The following DTL variants were observed in gnomAD, a reference collection of about 807,000 sequenced individuals.
DTL encodes the protein denticleless E3 ubiquitin protein ligase adapter, also known as denticleless protein homolog.
In DTL, 46 loss-of-function variants were observed where a neutral mutation model predicts 87.0. The ratio of observed to expected loss-of-function variants is 0.53; its 90% CI spans 0.42 to 0.68. The LOEUF (loss-of-function observed/expected upper bound fraction) is 0.68, where lower values mean the gene tolerates loss of function less well. DTL is among the 30% of genes least tolerant of loss of function. DTL has a pLI of 0.00. For missense variants in DTL, 737 were observed against 869.4 expected (o/e 0.85, Z 1.91); for synonymous variants, 308 against 311.2 (o/e 0.99, Z 0.11).
At chr1:212,080,944 G>T (rs1009295127) in intron 13 of DTL, among the ~76,000 whole-genome samples, 194 bp downstream of exon 13, 6 of 152,114 alleles carry the variant, frequency 3.9e-5, no homozygotes, top group African/African-American at 1.4e-4. Flanking sequence ...TACTACAGTG[G>T]TGGATTTATT....
intron 10 of DTL, among the ~76,000 whole-genome samples, chr1:212,070,113 T>C (rs977095904): frequency 7.2e-5 from 11 of 152,210 alleles, no homozygotes; most frequent in Non-Finnish European, 1.5e-4. Context: ...CCTTGAAAGA[T>C]AAAGCGTGAT....
intron 5 of DTL, among the ~76,000 whole-genome samples, chr1:212,054,181 G>A (rs1396556283): frequency 5.3e-5 from 8 of 152,056 alleles, no homozygotes; most frequent in Non-Finnish European, 8.8e-5. Flanking sequence ...ATGGTACAGG[G>A]GTCAGCCAGA....
chr1:212,044,043 C>G (rs1005760585), intron 2 of DTL, among the ~76,000 whole-genome samples: 1 of 151,956 alleles, frequency 6.6e-6, no homozygotes, highest in Admixed American at 6.6e-5. Context: ...GAGCTGAGAT[C>G]ACGCCACTGC....
Position 212,066,949 on chromosome 1 carries a change from A to G in DTL, c.713+64A>G, listed in dbSNP as rs1654524714. On this transcript the variant is annotated intron_variant, in intron 8 of 14. Transcript: ENST00000366991. The stretch of plus-strand genomic sequence containing the variant: ...TTTATGAGATTGTGATGAGGCAGTC[A>G]CATAGTCTCATTATAATTGAATGTG... The G allele has an allele frequency of 7.6e-6, 10 of 1,322,082 alleles. 1 individual carries two copies. The highest frequency in any genetic ancestry group is 1.8e-4 in the Middle Eastern group (1 of 5,498). The allele number at this position is 1,322,082 out of a possible 1,614,324, so 81.9% of individuals were successfully genotyped here.
chr1:212,046,486 CT>C (rs2102529690), intron 3 of DTL, among the ~76,000 whole-genome samples: 1 of 152,234 alleles, frequency 6.6e-6, no homozygotes, highest in South Asian at 2.1e-4. Context: ...GTTCCCCTCC[CT>C]GTGTCCATGT....
intron 13 of DTL, among the ~76,000 whole-genome samples, chr1:212,090,369 A>G (rs958120412): frequency 6.6e-6 from 1 of 152,228 alleles, no homozygotes; most frequent in South Asian, 2.1e-4. Flanking sequence ...GCTAAAAGAG[A>G]GATTGCATTT....
rs961720486 is a variant in DTL, at chr1:212,098,524, C to T, written c.1262-1728C>T. On this transcript the variant is annotated intron_variant, in intron 13 of 14. Coordinates refer to ENST00000366991, the MANE Select transcript of DTL (RefSeq NM_016448.4). ...GCTACCAGGGCGGTTAGAGAAAGAC[C>T]ATCTGGTGGGGGCAGGGATAGTGTG... Among the ~76,000 whole-genome samples the T allele has an allele frequency of 1.4e-4, 22 of 152,054 alleles. 1 individual carries two copies. Among genetic ancestry groups the T allele is most frequent in the Admixed American group, 1.4e-3 (22 of 15,268 alleles).
At chr1:212,086,867 C>T (rs895939462) in intron 13 of DTL, among the ~76,000 whole-genome samples, 1 of 152,048 alleles carries the variant, frequency 6.6e-6, no homozygotes, top group African/African-American at 2.4e-5. Flanking sequence ...ATAAGATTCC[C>T]AAAGGTGGAA....
chr1:212,046,537 C>T (rs1335061743), intron 3 of DTL, among the ~76,000 whole-genome samples: 2 of 151,752 alleles, frequency 1.3e-5, no homozygotes, highest in South Asian at 2.1e-4. Flanking sequence ...TGAGAACATA[C>T]GGTGTTTGGT....
At chr1:212,061,443 A>G (rs1654298640) in intron 5 of DTL, among the ~76,000 whole-genome samples, 1 of 151,736 alleles carries the variant, frequency 6.6e-6, no homozygotes, top group African/African-American at 2.4e-5. Context: ...ACTCTTGTAC[A>G]CTGTTGGTGG....
Position 212,072,212 on chromosome 1 carries a change from A to G in DTL, c.1034A>G (p.Lys345Arg), listed in dbSNP as rs1654694501. Residue 345 changes from lysine (K) to arginine (R), a missense_variant and splice_region_variant, in exon 11 of 15, where the codon AAG becomes AGG. Lys to Arg is a conservative substitution (Grantham distance 26). Transcript: ENST00000366991. ...AGTGATGAAGCTGCCTACATATGGAAGGTAAGTTGCTAAACTTCACCCACA... is the reference window on the plus strand; with the variant it reads ...AGTGATGAAGCTGCCTACATATGGAGGGTAAGTTGCTAAACTTCACCCACA... Reference protein sequence around the residue: ...GSSDEAAYIWKVSTPWQPPTV... With the variant: ...GSSDEAAYIWRVSTPWQPPTV... 8 of 1,610,446 alleles carry G rather than the reference A, an allele frequency of 5.0e-6. No individual in the cohort carries two copies. The highest frequency in any genetic ancestry group is 5.9e-6 in the Non-Finnish European group (7 of 1,176,844).
At chr1:212,045,707 C>T (rs1476580744) in intron 3 of DTL, among the ~76,000 whole-genome samples, 1 of 152,108 alleles carries the variant, frequency 6.6e-6, no homozygotes, top group Non-Finnish European at 1.5e-5. Context: ...GAAGGGGGCA[C>T]TCCAGGTGAC....
At chr1:212,096,919 T>C (rs1031120364) in intron 13 of DTL, among the ~76,000 whole-genome samples, 1 of 152,212 alleles carries the variant, frequency 6.6e-6, no homozygotes, top group Non-Finnish European at 1.5e-5. Flanking sequence ...AAGTCCATTG[T>C]TTCTATGTTG....
At chr1:212,060,253 A>G (rs995848563) in intron 5 of DTL, among the ~76,000 whole-genome samples, 4 of 152,156 alleles carry the variant, frequency 2.6e-5, no homozygotes, top group African/African-American at 7.2e-5. Context: ...TATAATAACT[A>G]AAACAGCATG....
rs1241316912 is a variant in DTL, at chr1:212,103,450, T to G, written c.*510T>G. 6.6e-6 allele frequency: 1 copy of G among 152,012 alleles called. No homozygotes were observed. The highest frequency in any genetic ancestry group is 1.5e-5 in the Non-Finnish European group (1 of 68,018). The allele number at this position is 152,012 out of a possible 1,614,324, so 9.4% of individuals were successfully genotyped here. A position where few individuals can be genotyped will look rare whatever the true frequency, so the allele number is the denominator to read the frequency against. On this transcript the variant is annotated 3_prime_UTR_variant, in exon 15 of 15. Coordinates refer to ENST00000366991, the MANE Select transcript of DTL (RefSeq NM_016448.4). ...ATCTTTTCACTATGCTTTTGTGGGGTTTTTTTTAAGTATGTGTAAAAATGT... is the reference window on the plus strand; with the variant it reads ...ATCTTTTCACTATGCTTTTGTGGGGGTTTTTTTAAGTATGTGTAAAAATGT...
At chr1:212,036,399 C>T (rs575519708) in intron 1 of DTL, among the ~76,000 whole-genome samples, 1 of 152,242 alleles carries the variant, frequency 6.6e-6, no homozygotes, top group South Asian at 2.1e-4. Flanking sequence ...CTCAGTCAAG[C>T]AGAGAAGACA....
At position 212,100,852 on chromosome 1, in the gene DTL, C is replaced by T. The variant is rs1655602047; in HGVS notation, c.1862C>T (p.Pro621Leu). The T allele has an allele frequency of 8.1e-6, 13 of 1,614,082 alleles. No individual in the cohort carries two copies. Among genetic ancestry groups the T allele is most frequent in the Non-Finnish European group, 1.0e-5 (12 of 1,180,040 alleles). The change falls in exon 14 of 15, where the codon CCT becomes CTT. Residue 621 changes from proline to leucine, a missense_variant. Transcript: ENST00000366991. ...GGAGCTGGTACCAGTATCTCAGAGC[C>T]TCCGTCTCCTATCAGTCCGTATGCT... ...IEGAGTSISE[P>L]PSPISPYASE...
At chr1:212,090,132 T>C (rs1655240754) in intron 13 of DTL, among the ~76,000 whole-genome samples, 1 of 152,184 alleles carries the variant, frequency 6.6e-6, no homozygotes, top group East Asian at 1.9e-4. Context: ...GTCCTTTTCA[T>C]GGCATCTTAT....
chr1:212,043,066 T>C lies in DTL; in HGVS notation c.126T>C (p.Ser42=). Residue 42 remains serine (S), a synonymous_variant, in exon 2 of 15, where the codon TCT becomes TCC. Transcript: ENST00000366991. ...GCAGTGGTAATGATGAACACACTTC[T>C]TATGGAGAAACAGGAGTCCCAGTTC... ...YQCSGNDEHT[S]YGETGVPVPP... 1 of 1,613,462 alleles carries C rather than the reference T, an allele frequency of 6.2e-7. No homozygotes were observed. The highest frequency in any genetic ancestry group is 1.7e-5 in the Admixed American group (1 of 59,974).
Sources: gnomAD v4.1 joint callset for allele counts (sites outside exome capture counted in the v4.1 genomes callset) on GRCh38, gnomAD v4.1.1 for gene constraint, MANE v1.5 for transcripts, NCBI Gene and HGNC (gene_info 2026-07-23, HGNC 2026-07-21) for gene names.